Variants in TBC1D5 observed in about 807,000 individuals in gnomAD.
TBC1D5 encodes TBC1 domain family, member 5.
Under a neutral mutation model 100.3 loss-of-function variants are expected in TBC1D5, and 75 were observed. That is an observed-to-expected ratio of 0.75 (90% CI 0.62 to 0.91). The LOEUF (loss-of-function observed/expected upper bound fraction) is 0.91, where lower values mean the gene tolerates loss of function less well. Ranked by LOEUF, TBC1D5 falls within the 40% of genes least tolerant of loss-of-function variation. The probability of loss-of-function intolerance (pLI) is 0.00; values close to 1 mark genes in which losing one functional copy is unlikely to be tolerated. For missense variants in TBC1D5, 910 were observed against 942.4 expected (o/e 0.97, Z 0.45); for synonymous variants, 323 against 325.6 (o/e 0.99, Z 0.09).
intron 1 of TBC1D5, among the ~76,000 whole-genome samples, chr3:17,689,076 A>T (rs2153824052): frequency 6.6e-6 from 1 of 152,228 alleles, no homozygotes; most frequent in South Asian, 2.1e-4. Context: ...AATTTTCCAT[A>T]TTTTCTAGAG....
At chr3:17,397,689 A>G (rs1450260548) in intron 8 of TBC1D5, among the ~76,000 whole-genome samples, 2 of 152,190 alleles carry the variant, frequency 1.3e-5, no homozygotes, top group Non-Finnish European at 2.9e-5. Flanking sequence ...AGAAAGCTGC[A>G]TCTTTAAAAA....
intron 1 of TBC1D5, among the ~76,000 whole-genome samples, chr3:17,700,396 T>C (rs932701990): frequency 2.6e-5 from 4 of 152,090 alleles, no homozygotes; most frequent in Non-Finnish European, 5.9e-5. Context: ...ACCTAGGCAA[T>C]ACCATTCAGG....
At chr3:17,177,564 G>A (rs1462437712) in intron 19 of TBC1D5, among the ~76,000 whole-genome samples, 1 of 152,136 alleles carries the variant, frequency 6.6e-6, no homozygotes, top group Non-Finnish European at 1.5e-5. Flanking sequence ...ACATGTTTAT[G>A]AATATATTAG....
At chr3:17,357,464 G>C (rs1249765575) in intron 13 of TBC1D5, among the ~76,000 whole-genome samples, 1 of 152,166 alleles carries the variant, frequency 6.6e-6, no homozygotes, top group Non-Finnish European at 1.5e-5. Context: ...ATTTGGCACT[G>C]TTGTCATAAA....
At chr3:17,503,524 GC>G (rs1366286598) in intron 3 of TBC1D5, among the ~76,000 whole-genome samples, 1 of 149,360 alleles carries the variant, frequency 6.7e-6, no homozygotes, top group African/African-American at 2.5e-5. Context: ...TACACGCAAG[GC>G]ACTCAAATAT....
intron 19 of TBC1D5, among the ~76,000 whole-genome samples, 182 bp from the exon 21 acceptor site, chr3:17,168,010 TG>T (rs1018018409): frequency 3.3e-5 from 5 of 152,156 alleles, no homozygotes; most frequent in Non-Finnish European, 2.9e-5. Flanking sequence ...AGGGCAGCAC[TG>T]GGCCTGGTAC....
chr3:17,529,105 C>A (rs550800624), intron 2 of TBC1D5, among the ~76,000 whole-genome samples: 2 of 152,250 alleles, frequency 1.3e-5, no homozygotes, highest in African/African-American at 4.8e-5. Flanking sequence ...TAAATCTAAT[C>A]ATATCACTCT....
chr3:17,496,559 A>T (rs773855668), intron 3 of TBC1D5, among the ~76,000 whole-genome samples: 38 of 152,212 alleles, frequency 2.5e-4, no homozygotes, highest in Admixed American at 7.9e-4. Flanking sequence ...TGGACCATAT[A>T]GAAAGAACTG....
chr3:17,537,332 T>C (rs889837266), intron 2 of TBC1D5, among the ~76,000 whole-genome samples: 2 of 152,176 alleles, frequency 1.3e-5, no homozygotes, highest in African/African-American at 4.8e-5. Flanking sequence ...TTGTATCTTA[T>C]TGCCATAAAG....
chr3:17,386,734 A>C (rs1270828880), intron 8 of TBC1D5, among the ~76,000 whole-genome samples: 4 of 152,136 alleles, frequency 2.6e-5, no homozygotes, highest in African/African-American at 9.7e-5. Context: ...GGCGTCTCTG[A>C]GCCTACTCTG....
chr3:17,284,966 G>A (rs546392169), intron 15 of TBC1D5, among the ~76,000 whole-genome samples: 1 of 146,234 alleles, frequency 6.8e-6, no homozygotes, highest in African/African-American at 2.5e-5. Flanking sequence ...CAGAAACAAA[G>A]AAAAAACAGC....
intron 1 of TBC1D5, among the ~76,000 whole-genome samples, chr3:17,672,043 G>A (rs2068002380): frequency 6.6e-6 from 1 of 152,214 alleles, no homozygotes; most frequent in Non-Finnish European, 1.5e-5. Flanking sequence ...CTATAAGCCA[G>A]CTTCAAGCTG....
chr3:17,507,757 T>G (rs1464914541), intron 3 of TBC1D5, among the ~76,000 whole-genome samples: 1 of 152,186 alleles, frequency 6.6e-6, no homozygotes, highest in Non-Finnish European at 1.5e-5. Context: ...GTCAATTAAC[T>G]TTATCAAATA....
At chr3:17,566,296 C>G (rs1049636041) in intron 2 of TBC1D5, among the ~76,000 whole-genome samples, 1 of 151,852 alleles carries the variant, frequency 6.6e-6, no homozygotes, top group Non-Finnish European at 1.5e-5. Flanking sequence ...ATAGTTTTGA[C>G]ACCAAGAGGC....
intron 2 of TBC1D5, among the ~76,000 whole-genome samples, chr3:17,605,859 CATA>C (rs2061305843): frequency 6.6e-6 from 1 of 152,108 alleles, no homozygotes; most frequent in African/African-American, 2.4e-5. Flanking sequence ...TAAATGTTTT[CATA>C]ATATTGAATA....
chr3:17,476,300 G>T (rs2095437293), intron 3 of TBC1D5, among the ~76,000 whole-genome samples: 1 of 151,842 alleles, frequency 6.6e-6, no homozygotes, highest in African/African-American at 2.4e-5. Context: ...TAATTTAGGA[G>T]AATTTGGTAT....
intron 8 of TBC1D5, 102 bp downstream of exon 8, chr3:17,403,079 G>T: frequency 1.1e-6 from 1 of 920,474 alleles, no homozygotes. Flanking sequence ...GTAGAATACT[G>T]CATTCAATTA....
chr3:17,676,986 T>C (rs1577399942), intron 1 of TBC1D5, among the ~76,000 whole-genome samples: 2 of 152,126 alleles, frequency 1.3e-5, no homozygotes, highest in East Asian at 3.9e-4. Flanking sequence ...CCTTACACCT[T>C]ATACAAAAAT....
At chr3:17,572,926 A>G (rs1177501608) in intron 2 of TBC1D5, among the ~76,000 whole-genome samples, 1 of 152,086 alleles carries the variant, frequency 6.6e-6, no homozygotes, top group African/African-American at 2.4e-5. Flanking sequence ...CCCATCAAAT[A>G]CACTTATTCA....
Sources: allele counts gnomAD v4.1 joint callset (sites outside exome capture counted in the v4.1 genomes callset), GRCh38; gene constraint gnomAD v4.1.1; transcripts MANE v1.5; gene names NCBI Gene and HGNC (gene_info 2026-07-23, HGNC 2026-07-21).